SPIDR: variants seen among roughly 807,000 people sequenced by gnomAD.
SPIDR encodes the protein DNA repair-scaffolding protein.
In SPIDR, 93 loss-of-function variants were observed where a neutral mutation model predicts 104.6. That is an observed-to-expected ratio of 0.89 (90% CI 0.75 to 1.06). The LOEUF (loss-of-function observed/expected upper bound fraction) is 1.06, where lower values mean the gene tolerates loss of function less well. Among genes scored for constraint, SPIDR ranks in the 50% least tolerant of loss-of-function variants. The pLI is 0.00. For synonymous variants in SPIDR, 431 were observed against 416.9 expected, an observed-to-expected ratio of 1.03 and a Z score of -0.41; for missense variants, 1,154 against 1,111.2, an observed-to-expected ratio of 1.04 and a Z score of -0.55.
chr8:47,454,737 G>C (rs1214890531), intron 8 of SPIDR, among the ~76,000 whole-genome samples: 1 of 152,122 alleles, frequency 6.6e-6, no homozygotes, highest in Admixed American at 6.6e-5. Flanking sequence ...ATGGTGGCTT[G>C]CATCTATAGC....
rs776202528 is a variant in SPIDR, at chr8:47,673,876, A to G, written c.1620A>G (p.Arg540=). The G allele has an allele frequency of 6.2e-7, 1 of 1,614,192 alleles. No individual in the cohort carries two copies. The highest frequency in any genetic ancestry group is 1.1e-5 in the South Asian group (1 of 91,088). The change falls in exon 11 of 20, where the codon AGA becomes AGG. Residue 540 remains arginine, a synonymous_variant. Coordinates refer to ENST00000297423, the MANE Select transcript of SPIDR (RefSeq NM_001080394.4). ...VHLEFTMSKA[R]QLEGKSCSLV... is the part of the protein sequence containing the mutation. ...TGGAGTTCACCATGTCGAAGGCAAG[A>G]CAGTTGGAAGGGAAGTCTTGCAGCC... is the stretch of plus-strand genomic sequence containing the variant.
At chr8:47,273,700 C>T (rs2035798748) in intron 1 of SPIDR, among the ~76,000 whole-genome samples, 1 of 151,178 alleles carries the variant, frequency 6.6e-6, no homozygotes, top group South Asian at 2.1e-4. Flanking sequence ...CTCAGGTTAT[C>T]CTCCTACCGC....
intron 10 of SPIDR, among the ~76,000 whole-genome samples, chr8:47,621,975 G>A (rs1000553938): frequency 6.6e-6 from 1 of 152,166 alleles, no homozygotes; most frequent in African/African-American, 2.4e-5. Context: ...GTCATTGCAA[G>A]ATAAGACTGG....
chr8:47,548,638 A>C (rs2089910657), intron 8 of SPIDR, among the ~76,000 whole-genome samples: 3 of 152,208 alleles, frequency 2.0e-5, no homozygotes, highest in Admixed American at 2.0e-4. Context: ...ACAGAGCGGA[A>C]CTTCATCTCA....
chr8:47,634,515 C>G (rs2067585603), intron 10 of SPIDR, among the ~76,000 whole-genome samples: 1 of 152,096 alleles, frequency 6.6e-6, no homozygotes, highest in Admixed American at 6.6e-5. Flanking sequence ...AGAAAGGAAA[C>G]TTAATATTCT....
At chr8:47,591,940 C>T (rs767784478) in intron 8 of SPIDR, among the ~76,000 whole-genome samples, 7 of 152,178 alleles carry the variant, frequency 4.6e-5, no homozygotes, top group Non-Finnish European at 8.8e-5. Flanking sequence ...CCAGATGATA[C>T]TTCTAGCTTC....
intron 10 of SPIDR, among the ~76,000 whole-genome samples, chr8:47,661,410 C>T (rs1029675366): frequency 3.3e-5 from 5 of 152,240 alleles, no homozygotes; most frequent in African/African-American, 1.2e-4. Context: ...AGCTCAAGAT[C>T]GCTAGCAGCG....
intron 6 of SPIDR, among the ~76,000 whole-genome samples, chr8:47,403,087 A>G (rs782510730): frequency 3.3e-5 from 5 of 152,220 alleles, no homozygotes; most frequent in Non-Finnish European, 5.9e-5. Context: ...ATATAAACAG[A>G]ACAAAAGACA....
intron 8 of SPIDR, chr8:47,511,511 A>G (rs2082320915): frequency 1.3e-6 from 1 of 780,190 alleles, no homozygotes; most frequent in Non-Finnish European, 2.4e-6. Flanking sequence ...CTGTGGATAG[A>G]CTCCAGAAAC....
At chr8:47,280,347 C>T (rs929069112) in intron 2 of SPIDR, among the ~76,000 whole-genome samples, 8 of 150,600 alleles carry the variant, frequency 5.3e-5, no homozygotes, top group South Asian at 4.2e-4. Flanking sequence ...CTTGCCTCAG[C>T]GTGTCAAATA....
chr8:47,631,814 A>G (rs994177070), intron 10 of SPIDR, among the ~76,000 whole-genome samples: 5 of 152,226 alleles, frequency 3.3e-5, no homozygotes, highest in Non-Finnish European at 7.3e-5. Flanking sequence ...TGAGACCAAC[A>G]TTGAGAATTC....
chr8:47,704,715 A>T (rs1337023758), intron 14 of SPIDR, among the ~76,000 whole-genome samples: 3 of 152,094 alleles, frequency 2.0e-5, no homozygotes, highest in Admixed American at 6.5e-5. Flanking sequence ...TCCCCTTTTC[A>T]TCATTTGACA....
chr8:47,371,128 GT>G (rs56285452), intron 5 of SPIDR, among the ~76,000 whole-genome samples: 9,322 of 128,480 alleles, frequency 0.073, 292 homozygotes, highest in Non-Finnish European at 0.078. Flanking sequence ...ACACAAGCAG[GT>G]TTTTTTTTTT....
At chr8:47,671,412 C>T (rs927496869) in intron 10 of SPIDR, among the ~76,000 whole-genome samples, 6 of 151,840 alleles carry the variant, frequency 4.0e-5, no homozygotes, top group Non-Finnish European at 8.8e-5. Flanking sequence ...TGGAGAAACC[C>T]CATCTCTACT....
chr8:47,375,175 TA>T (rs1554641559), intron 5 of SPIDR, among the ~76,000 whole-genome samples: 1 of 150,088 alleles, frequency 6.7e-6, no homozygotes, highest in East Asian at 2.0e-4. Flanking sequence ...TTGTCTAGTT[TA>T]AAAGTTTTAT....
At chr8:47,295,613 T>G (rs1207617884) in intron 5 of SPIDR, among the ~76,000 whole-genome samples, 6 of 152,210 alleles carry the variant, frequency 3.9e-5, no homozygotes, top group Non-Finnish European at 7.4e-5. Context: ...GGTTCATTCA[T>G]GTTGCAAATG....
At chr8:47,381,757 G>C (rs1208871307) in intron 5 of SPIDR, among the ~76,000 whole-genome samples, 1 of 152,224 alleles carries the variant, frequency 6.6e-6, no homozygotes, top group Non-Finnish European at 1.5e-5. Flanking sequence ...GTGGCACCAG[G>C]CGCACAAGGT....
intron 10 of SPIDR, among the ~76,000 whole-genome samples, chr8:47,622,204 C>G (rs2065259395): frequency 6.6e-6 from 1 of 152,086 alleles, no homozygotes; most frequent in Non-Finnish European, 1.5e-5. Context: ...ATGAAAAAAT[C>G]TGGATTCAGC....
At chr8:47,522,614 T>G (rs2084345144) in intron 8 of SPIDR, among the ~76,000 whole-genome samples, 1 of 152,200 alleles carries the variant, frequency 6.6e-6, no homozygotes, top group Non-Finnish European at 1.5e-5. Flanking sequence ...AATGTGTTCC[T>G]ACCCAAAATC....
Sources: allele counts gnomAD v4.1 joint callset (sites outside exome capture counted in the v4.1 genomes callset), GRCh38; gene constraint gnomAD v4.1.1; transcripts MANE v1.5; gene names NCBI Gene and HGNC (gene_info 2026-07-23, HGNC 2026-07-21).